The following PPFIA1 variants were observed in gnomAD, a reference collection of about 807,000 sequenced individuals.
PPFIA1 encodes liprin-alpha-1.
PPFIA1 carries 25 observed loss-of-function variants against 149.9 expected under a neutral mutation model. The observed-to-expected ratio is 0.17, with a 90% CI of 0.12 to 0.23. The LOEUF (loss-of-function observed/expected upper bound fraction) is 0.23. Ranked by LOEUF, PPFIA1 falls within the 10% of genes least tolerant of loss-of-function variation. The pLI, the probability that PPFIA1 is intolerant of heterozygous loss-of-function variation, is 1.00. For synonymous variants in PPFIA1, 549 were observed against 552.8 expected, an observed-to-expected ratio of 0.99 and a Z score of 0.10; for missense variants, 1,362 against 1,506.5, an observed-to-expected ratio of 0.90 and a Z score of 1.59.
intron 14 of PPFIA1, 62 bp from the exon 15 acceptor site, chr11:70,343,607 T>G: frequency 6.9e-7 from 1 of 1,442,564 alleles, no homozygotes; most frequent in Non-Finnish European, 9.7e-7. Flanking sequence ...TTCCGATAGA[T>G]TTATGTTTCT....
At chr11:70,356,310 T>G in intron 19 of PPFIA1, 56 bp downstream of exon 19, 1 of 1,327,986 alleles carries the variant, frequency 7.5e-7, no homozygotes, top group Non-Finnish European at 1.1e-6. Context: ...GTGCCTAAGC[T>G]CTAACTAGTG....
chr11:70,327,145 C>T, intron 7 of PPFIA1: 1 of 257,878 alleles, frequency 3.9e-6, no homozygotes, highest in Non-Finnish European at 7.5e-6. Flanking sequence ...GTAGATTCTT[C>T]ATCTGTGCAA....
chr11:70,366,131 A>G (rs746717264), intron 21 of PPFIA1, among the ~76,000 whole-genome samples: 1 of 152,244 alleles, frequency 6.6e-6, no homozygotes, highest in Non-Finnish European at 1.5e-5. Flanking sequence ...AGCAAAACAT[A>G]GCATCAAAGA....
chr11:70,370,960 C>G (rs189304640), intron 21 of PPFIA1, among the ~76,000 whole-genome samples: 1 of 152,098 alleles, frequency 6.6e-6, no homozygotes, highest in Non-Finnish European at 1.5e-5. Flanking sequence ...TGTTGAAACC[C>G]CGTCTGTACT....
chr11:70,272,401 T>A lies in PPFIA1; in HGVS notation c.229T>A (p.Ser77Thr). The A allele has an allele frequency of 6.2e-7, 1 of 1,614,126 alleles. No homozygotes were observed. Among genetic ancestry groups the A allele is most frequent in the South Asian group, 1.1e-5 (1 of 91,082 alleles). Residue 77 changes from serine to threonine, a missense_variant, in exon 2 of 28, where the codon TCC becomes ACC. By Grantham distance (58) the Ser-to-Thr change is moderately conservative. Transcript: ENST00000253925. ...KLHEVGHERD[S>T]LQRQLNTALP... ...ACACGAGGTTGGTCATGAAAGAGATTCCTTGCAGAGACAGCTCAACACGGC... is the reference window on the plus strand; with the variant it reads ...ACACGAGGTTGGTCATGAAAGAGATACCTTGCAGAGACAGCTCAACACGGC...
At chr11:70,376,419 AC>A in intron 24 of PPFIA1, 112 bp from the exon 25 acceptor site, 1 of 1,049,688 alleles carries the variant, frequency 9.5e-7, no homozygotes, top group South Asian at 1.4e-5. Context: ...GAGCCACCAG[AC>A]CCAGCCAGCA....
At chr11:70,354,843 C>T (rs1057234720) in intron 17 of PPFIA1, among the ~76,000 whole-genome samples, 1 of 152,128 alleles carries the variant, frequency 6.6e-6, no homozygotes, top group African/African-American at 2.4e-5. Flanking sequence ...CTTTTGTAAA[C>T]TGTGGAGAGT....
intron 21 of PPFIA1, among the ~76,000 whole-genome samples, chr11:70,370,409 C>G (rs201139237): frequency 1.3e-5 from 2 of 151,322 alleles, no homozygotes; most frequent in East Asian, 3.9e-4. Flanking sequence ...AATTTTGAGA[C>G]AGAGTCTCGC....
chr11:70,285,420 C>T (rs1178682322), intron 2 of PPFIA1, among the ~76,000 whole-genome samples: 5 of 151,692 alleles, frequency 3.3e-5, no homozygotes, highest in Admixed American at 1.3e-4. Context: ...TTGCCGGGTG[C>T]GGTGGCTCAT....
intron 2 of PPFIA1, among the ~76,000 whole-genome samples, chr11:70,273,978 T>TCA (rs1392713964): frequency 1.3e-5 from 2 of 152,288 alleles, no homozygotes; most frequent in South Asian, 4.2e-4. Flanking sequence ...GTGGAGGTTG[T>TCA]CACACACACT....
chr11:70,368,468 T>C (rs1300622727), intron 21 of PPFIA1, among the ~76,000 whole-genome samples: 1 of 152,216 alleles, frequency 6.6e-6, no homozygotes, highest in Non-Finnish European at 1.5e-5. Context: ...TAGCTATGAC[T>C]GGTGACCATA....
chr11:70,383,422 T>C lies in PPFIA1; in HGVS notation c.*432T>C, dbSNP rs2057779701. ...TTTAATGATAAACCATGACAAAGGATTTTACGTTTATAAAATTATGACAGA... is the reference window on the plus strand; with the variant it reads ...TTTAATGATAAACCATGACAAAGGACTTTACGTTTATAAAATTATGACAGA... On this transcript the variant is annotated 3_prime_UTR_variant, in exon 28 of 28. Transcript: ENST00000253925. 1 of 178,800 alleles carries C rather than the reference T, an allele frequency of 5.6e-6. No homozygotes were observed. Among genetic ancestry groups the C allele is most frequent in the Non-Finnish European group, 1.2e-5 (1 of 86,402 alleles). The allele number at this position is 178,800 out of a possible 1,614,324, so 11.1% of individuals were successfully genotyped here.
intron 7 of PPFIA1, chr11:70,327,118 CT>C (rs1057450948): frequency 2.0e-5 from 6 of 299,782 alleles, no homozygotes; most frequent in African/African-American, 1.3e-4. Flanking sequence ...CTTTAATATT[CT>C]TTAATGTCCT....
At chr11:70,377,964 T>C in intron 25 of PPFIA1, 66 bp from the exon 26 acceptor site, 3 of 1,275,850 alleles carry the variant, frequency 2.4e-6, no homozygotes, top group Non-Finnish European at 3.3e-6. Flanking sequence ...TTAAAGGACA[T>C]GTAACTTTAC....
At chr11:70,361,060 C>T (rs1337820722) in intron 19 of PPFIA1, among the ~76,000 whole-genome samples, 1 of 152,206 alleles carries the variant, frequency 6.6e-6, no homozygotes, top group East Asian at 1.9e-4. Context: ...TTATGTTAAC[C>T]TCTGATTCTG....
chr11:70,273,237 A>G (rs1278129884), intron 2 of PPFIA1, among the ~76,000 whole-genome samples: 1 of 151,668 alleles, frequency 6.6e-6, no homozygotes, highest in East Asian at 1.9e-4. Flanking sequence ...AGATTGCACC[A>G]CTGCTCTCCA....
At chr11:70,274,558 C>G (rs2050272298) in intron 2 of PPFIA1, among the ~76,000 whole-genome samples, 1 of 152,204 alleles carries the variant, frequency 6.6e-6, no homozygotes, top group Admixed American at 6.5e-5. Flanking sequence ...TCGTCAGCAT[C>G]ATGTTTGTGA....
At chr11:70,291,837 A>ATTTTTT (rs398016576) in intron 2 of PPFIA1, among the ~76,000 whole-genome samples, 1 of 119,642 alleles carries the variant, frequency 8.4e-6, no homozygotes, top group African/African-American at 3.2e-5. Flanking sequence ...CGCCTGGCTA[A>ATTTTTT]TTTTTTTTTT....
chr11:70,305,392 T>C (rs1306359371), intron 2 of PPFIA1, among the ~76,000 whole-genome samples: 5 of 152,274 alleles, frequency 3.3e-5, no homozygotes, highest in Admixed American at 6.5e-5. Context: ...TTCTTTTTTT[T>C]TGAGACAAGG....
Sources: gnomAD v4.1 joint callset for allele counts (sites outside exome capture counted in the v4.1 genomes callset) on GRCh38, gnomAD v4.1.1 for gene constraint, MANE v1.5 for transcripts, NCBI Gene and HGNC (gene_info 2026-07-23, HGNC 2026-07-21) for gene names.